Variants in FAM13A observed in about 807,000 individuals in gnomAD.
The protein encoded by FAM13A is family with sequence similarity 13 member A.
A neutral mutation model predicts 129.6 loss-of-function variants in FAM13A; 76 were observed. The ratio of observed to expected loss-of-function variants is 0.59; its 90% CI spans 0.49 to 0.71. The LOEUF (loss-of-function observed/expected upper bound fraction) is 0.71. Ranked by LOEUF, FAM13A falls within the 30% of genes least tolerant of loss-of-function variation. The pLI is 0.00. For missense variants in FAM13A, 1,108 were observed against 1,249.3 expected, an observed-to-expected ratio of 0.89 and a Z score of 1.70; for synonymous variants, 443 against 449.9, an observed-to-expected ratio of 0.98 and a Z score of 0.20.
intron 6 of FAM13A, among the ~76,000 whole-genome samples, chr4:88,892,253 C>T (rs1745463387): frequency 6.8e-6 from 1 of 146,200 alleles, no homozygotes; most frequent in Non-Finnish European, 1.5e-5. Flanking sequence ...GATCTCGGCT[C>T]ACTGCAAGCT....
At chr4:88,884,852 A>G (rs767391053) in intron 6 of FAM13A, among the ~76,000 whole-genome samples, 8 of 152,344 alleles carry the variant, frequency 5.3e-5, no homozygotes, top group Non-Finnish European at 1.0e-4. Context: ...ATACACCAAC[A>G]GCAACCAAAC....
rs186066164 is a variant in FAM13A at position 88,883,294 on chromosome 4, A to T, written c.843+23085T>A. Among the ~76,000 whole-genome samples, 8 of 152,244 alleles carry T rather than the reference A, an allele frequency of 5.3e-5. No individual in the cohort carries two copies. In the East Asian group the frequency reaches 7.7e-4, roughly 15 times the overall value. ...AACAAGTATCAGTAAATTTAAGAAGATTGAAATATATCAAGTATGCTCTCA... is the reference window on the plus strand; with the variant it reads ...AACAAGTATCAGTAAATTTAAGAAGTTTGAAATATATCAAGTATGCTCTCA... On this transcript the variant is annotated intron_variant, in intron 6 of 23. Transcript: ENST00000264344.
chr4:88,857,776 G>T (rs1173145025), intron 6 of FAM13A, among the ~76,000 whole-genome samples: 2 of 152,062 alleles, frequency 1.3e-5, no homozygotes, highest in Non-Finnish European at 2.9e-5. Flanking sequence ...TCTGCAAACT[G>T]GGAAGTGCCA....
At chr4:88,762,171 CTA>C (rs983326085) in intron 13 of FAM13A, among the ~76,000 whole-genome samples, 4 of 152,080 alleles carry the variant, frequency 2.6e-5, no homozygotes, top group Admixed American at 1.3e-4. Flanking sequence ...GTCAGTTTTT[CTA>C]TGTTTCAGGA....
At chr4:88,872,700 C>A (rs1741637172) in intron 6 of FAM13A, among the ~76,000 whole-genome samples, 1 of 152,174 alleles carries the variant, frequency 6.6e-6, no homozygotes. Flanking sequence ...AGAGTTTTAA[C>A]AACCCACTGT....
At chr4:88,950,211 T>C (rs1756714600) in intron 4 of FAM13A, among the ~76,000 whole-genome samples, 1 of 145,102 alleles carries the variant, frequency 6.9e-6, no homozygotes, top group African/African-American at 2.6e-5. Context: ...AATCAGGCTT[T>C]TTTTTTTTTT....
At chr4:88,882,731 T>C (rs557174316) in intron 6 of FAM13A, among the ~76,000 whole-genome samples, 1 of 152,192 alleles carries the variant, frequency 6.6e-6, no homozygotes, top group South Asian at 2.1e-4. Context: ...GCAGAATGGA[T>C]AAGAATTCAC....
intron 18 of FAM13A, 51 bp downstream of exon 18, chr4:88,747,580 C>A: frequency 6.8e-7 from 1 of 1,467,294 alleles, no homozygotes; most frequent in Non-Finnish European, 9.5e-7. Context: ...TGTGTCTCTA[C>A]CACATTGACT....
In FAM13A at chr4:88,924,121, A is replaced by G. The variant is rs947646588; in HGVS notation, c.759+13967T>C. Among the ~76,000 whole-genome samples the G allele has an allele frequency of 2.2e-4, 33 of 152,316 alleles. 1 individual carries two copies. Among genetic ancestry groups the G allele is most frequent in the African/African-American group, 7.0e-4 (29 of 41,556 alleles). ...AAGAATCAATATCGTGAAAATGGCC[A>G]TACTGCCCAAGGTAATTTATACCTT... is the stretch of plus-strand genomic sequence containing the variant. On this transcript the variant is annotated intron_variant, in intron 5 of 23. Transcript: ENST00000264344.
At chr4:88,840,359 C>T (rs560033264) in intron 7 of FAM13A, among the ~76,000 whole-genome samples, 46 of 152,164 alleles carry the variant, frequency 3.0e-4, no homozygotes, top group African/African-American at 9.6e-4. Context: ...AGATTTGCTC[C>T]AACGGAGAAG....
chr4:88,843,063 A>T (rs1736085267), intron 7 of FAM13A, among the ~76,000 whole-genome samples: 1 of 152,182 alleles, frequency 6.6e-6, no homozygotes, highest in African/African-American at 2.4e-5. Flanking sequence ...TTTTCATGGG[A>T]GCTAGTGGCG....
chr4:88,946,392 T>A lies in FAM13A; in HGVS notation c.606-8151A>T, dbSNP rs181438543. Among the ~76,000 whole-genome samples, 552 of 131,746 alleles carry A rather than the reference T, an allele frequency of 4.2e-3. 14 individuals carry two copies. Among genetic ancestry groups the A allele is most frequent in the Non-Finnish European group, 1.4e-3 (87 of 62,756 alleles). The allele number at this position is 131,746 out of a possible 152,430, so 86.4% of individuals were successfully genotyped here. A position where few individuals can be genotyped will look rare whatever the true frequency, so the allele number is the denominator to read the frequency against. On this transcript the variant is annotated intron_variant, in intron 4 of 23. Transcript: ENST00000264344. ...CTGGCCTTGCTGAGAGATCATTTGCTCCCGCGTTCTTTTTTTTTTTTTTTT... is the reference window on the plus strand; with the variant it reads ...CTGGCCTTGCTGAGAGATCATTTGCACCCGCGTTCTTTTTTTTTTTTTTTT...
intron 8 of FAM13A, among the ~76,000 whole-genome samples, chr4:88,796,431 T>C (rs1312324137): frequency 1.3e-5 from 2 of 152,016 alleles, no homozygotes; most frequent in Admixed American, 6.6e-5. Context: ...CTCTATATTA[T>C]GCAAAATTTC....
Position 88,728,864 on chromosome 4 carries a change from G to A in FAM13A, c.2946-205C>T, listed in dbSNP as rs1736943499. ...TTCACCCAGAAGGCAACATGCAACTGAGTTTTTATATAGTTAATCTGGCAT... is the reference window on the plus strand; with the variant it reads ...TTCACCCAGAAGGCAACATGCAACTAAGTTTTTATATAGTTAATCTGGCAT... On this transcript the variant is annotated intron_variant, in intron 23 of 23. Coordinates refer to ENST00000264344, the MANE Select transcript of FAM13A (RefSeq NM_014883.4). 7.8e-6 allele frequency: 4 copies of A among 514,386 alleles called. No homozygotes were observed. In the East Asian group the frequency reaches 1.4e-4, roughly 18 times the overall value. The allele number at this position is 514,386 out of a possible 1,614,324, so 31.9% of individuals were successfully genotyped here. A position where few individuals can be genotyped will look rare whatever the true frequency, so the allele number is the denominator to read the frequency against.
intron 6 of FAM13A, among the ~76,000 whole-genome samples, chr4:88,902,334 T>C (rs1270110473): frequency 6.6e-6 from 1 of 152,106 alleles, no homozygotes; most frequent in Non-Finnish European, 1.5e-5. Context: ...ATATCCCTGA[T>C]GAACATTGAT....
intron 5 of FAM13A, among the ~76,000 whole-genome samples, chr4:88,922,997 C>T (rs1003332338): frequency 1.3e-5 from 2 of 152,048 alleles, no homozygotes; most frequent in African/African-American, 2.4e-5. Flanking sequence ...AAGACTAAAC[C>T]AGGAAGAAGT....
intron 4 of FAM13A, among the ~76,000 whole-genome samples, chr4:88,979,573 T>G (rs1761383642): frequency 6.6e-6 from 1 of 152,254 alleles, no homozygotes; most frequent in African/African-American, 2.4e-5. Flanking sequence ...ACTTGCCTCA[T>G]AGGGTTTTGA....
At chr4:88,852,454 G>A (rs1224568681) in intron 6 of FAM13A, among the ~76,000 whole-genome samples, 2 of 152,074 alleles carry the variant, frequency 1.3e-5, no homozygotes, top group African/African-American at 2.4e-5. Context: ...GAGCCACGGC[G>A]CCTGGACTTA....
chr4:88,786,688 A>G (rs1235291219), intron 10 of FAM13A, among the ~76,000 whole-genome samples: 1 of 152,114 alleles, frequency 6.6e-6, no homozygotes, highest in East Asian at 1.9e-4. Flanking sequence ...TTCTAAAATT[A>G]CATTTGCTAA....
Sources: gnomAD v4.1 joint callset for allele counts (sites outside exome capture counted in the v4.1 genomes callset) on GRCh38, gnomAD v4.1.1 for gene constraint, MANE v1.5 for transcripts, NCBI Gene and HGNC (gene_info 2026-07-23, HGNC 2026-07-21) for gene names.